CDH18: variants seen among roughly 807,000 people sequenced by gnomAD.
CDH18 encodes the protein cadherin 18.
In CDH18, 31 loss-of-function variants were observed where a neutral mutation model predicts 67.9. The observed-to-expected ratio is 0.46, with a 90% CI of 0.34 to 0.62. The LOEUF (loss-of-function observed/expected upper bound fraction) is 0.62, where lower values mean the gene tolerates loss of function less well. Ranked by LOEUF, CDH18 falls within the 20% of genes least tolerant of loss-of-function variation. The pLI, the probability that CDH18 is intolerant of heterozygous loss-of-function variation, is 0.01. For synonymous variants in CDH18, 362 were observed against 347.2 expected, an observed-to-expected ratio of 1.04 and a Z score of -0.48; for missense variants, 890 against 975.5, an observed-to-expected ratio of 0.91 and a Z score of 1.17.
chr5:20,458,609 C>T (rs1297546806), intron 1 of CDH18, among the ~76,000 whole-genome samples: 2 of 152,106 alleles, frequency 1.3e-5, no homozygotes, highest in African/African-American at 4.8e-5. Context: ...CAGAGCGAGA[C>T]TTTGTCTCAA....
intron 10 of CDH18, among the ~76,000 whole-genome samples, chr5:19,514,308 A>C (rs1428117744): frequency 6.6e-6 from 1 of 152,106 alleles, no homozygotes; most frequent in African/African-American, 2.4e-5. Context: ...ATGAACATAC[A>C]TTTGCATGTG....
intron 1 of CDH18, among the ~76,000 whole-genome samples, chr5:20,375,619 A>C (rs1743350369): frequency 6.6e-6 from 1 of 152,200 alleles, no homozygotes; most frequent in Non-Finnish European, 1.5e-5. Context: ...CTTTGCATCA[A>C]CTTCCTGAGG....
chr5:19,825,185 C>T (rs759413077), intron 3 of CDH18, among the ~76,000 whole-genome samples: 16 of 152,114 alleles, frequency 1.1e-4, no homozygotes, highest in Admixed American at 2.6e-4. Flanking sequence ...GGCACAGACT[C>T]CTGTTGTCCC....
chr5:20,557,381 AAAAAT>A (rs1466521564), intron 1 of CDH18, among the ~76,000 whole-genome samples: 1 of 152,136 alleles, frequency 6.6e-6, no homozygotes, highest in Non-Finnish European at 1.5e-5. Context: ...AAATAGTGGA[AAAAAT>A]AAATAAAAAT....
intron 2 of CDH18, among the ~76,000 whole-genome samples, chr5:20,220,394 T>C (rs991374724): frequency 6.6e-6 from 1 of 152,066 alleles, no homozygotes; most frequent in Non-Finnish European, 1.5e-5. Flanking sequence ...GTCGCTTTTA[T>C]ACATAGTGCT....
chr5:19,605,185 A>C (rs2150080700), intron 6 of CDH18, among the ~76,000 whole-genome samples: 1 of 152,066 alleles, frequency 6.6e-6, no homozygotes, highest in South Asian at 2.1e-4. Context: ...CATGACTAGT[A>C]CGTTTCTAAA....
chr5:19,610,437 A>G (rs1346455826), intron 6 of CDH18, among the ~76,000 whole-genome samples: 2 of 152,072 alleles, frequency 1.3e-5, no homozygotes, highest in Non-Finnish European at 2.9e-5. Flanking sequence ...TTTTCTGTAC[A>G]TCTGCAAAGT....
chr5:19,531,839 C>G (rs1229735197), intron 9 of CDH18, among the ~76,000 whole-genome samples: 1 of 152,128 alleles, frequency 6.6e-6, no homozygotes, highest in East Asian at 1.9e-4. Flanking sequence ...GACTCATAAA[C>G]TTGACTCATT....
At chr5:19,488,015 C>T (rs889402070) in intron 11 of CDH18, among the ~76,000 whole-genome samples, 4 of 152,112 alleles carry the variant, frequency 2.6e-5, no homozygotes, top group Non-Finnish European at 4.4e-5. Flanking sequence ...CTACAGGCCA[C>T]AGAATACATT....
At chr5:20,508,254 G>A (rs1754769557) in intron 1 of CDH18, among the ~76,000 whole-genome samples, 1 of 144,712 alleles carries the variant, frequency 6.9e-6, no homozygotes, top group African/African-American at 2.5e-5. Flanking sequence ...ACAAATACTA[G>A]TTGTTTTTAT....
At chr5:20,304,196 G>T in intron 1 of CDH18, 2 of 1,504,572 alleles carry the variant, frequency 1.3e-6, no homozygotes, top group Non-Finnish European at 1.9e-6. Flanking sequence ...ATTTTTCCCT[G>T]TTGGCGTACG....
At chr5:20,094,130 T>A (rs1198742681) in intron 2 of CDH18, among the ~76,000 whole-genome samples, 1 of 152,042 alleles carries the variant, frequency 6.6e-6, no homozygotes, top group East Asian at 1.9e-4. Flanking sequence ...AAAATGAGAT[T>A]TAAATTAAGT....
At chr5:19,938,513 T>C (rs10073897) in intron 2 of CDH18, among the ~76,000 whole-genome samples, 16,201 of 151,464 alleles carry the variant, frequency 0.11, 2,485 homozygotes, top group African/African-American at 0.34. Context: ...ATTAAGTAAA[T>C]ATTACCAAAA....
intron 1 of CDH18, among the ~76,000 whole-genome samples, chr5:20,297,045 G>A (rs1031657015): frequency 1.3e-5 from 2 of 151,442 alleles, no homozygotes; most frequent in Non-Finnish European, 2.9e-5. Flanking sequence ...ATCTATCTCC[G>A]ATCTAACTAG....
At chr5:19,586,816 C>T (rs932728069) in intron 7 of CDH18, among the ~76,000 whole-genome samples, 1 of 152,142 alleles carries the variant, frequency 6.6e-6, no homozygotes, top group East Asian at 1.9e-4. Flanking sequence ...CTAATTTACA[C>T]TTCTACCAGC....
At chr5:20,244,801 G>A (rs1003084401) in intron 2 of CDH18, among the ~76,000 whole-genome samples, 2 of 151,970 alleles carry the variant, frequency 1.3e-5, no homozygotes, top group Non-Finnish European at 2.9e-5. Context: ...CATTCAACTT[G>A]AAAAATTATA....
intron 1 of CDH18, among the ~76,000 whole-genome samples, chr5:20,332,139 G>T (rs1480500398): frequency 6.6e-6 from 1 of 152,078 alleles, no homozygotes; most frequent in African/African-American, 2.4e-5. Context: ...AAAAAAATTT[G>T]AACTCGATCA....
At chr5:19,571,895 C>A in intron 7 of CDH18, 63 bp from the exon 8 acceptor site, 6 of 1,297,538 alleles carry the variant, frequency 4.6e-6, no homozygotes, top group Non-Finnish European at 6.5e-6. Context: ...ACTTTCATTA[C>A]TTTTCAAATA....
intron 3 of CDH18, among the ~76,000 whole-genome samples, chr5:19,832,475 T>C (rs1781160360): frequency 6.6e-6 from 1 of 152,098 alleles, no homozygotes. Context: ...CAGGGAGGAA[T>C]AGAAAAGATA....
Sources: allele counts gnomAD v4.1 joint callset (sites outside exome capture counted in the v4.1 genomes callset), GRCh38; gene constraint gnomAD v4.1.1; transcripts MANE v1.5; gene names NCBI Gene and HGNC (gene_info 2026-07-23, HGNC 2026-07-21).